The following WDFY4 variants were observed in gnomAD, a reference collection of about 807,000 sequenced individuals.
WDFY4 encodes WD repeat- and FYVE domain-containing protein 4.
Under a neutral mutation model 351.9 loss-of-function variants are expected in WDFY4, and 169 were observed. That is an observed-to-expected ratio of 0.48 (90% CI 0.42 to 0.55). The LOEUF (loss-of-function observed/expected upper bound fraction) is 0.55. WDFY4 is among the 20% of genes least tolerant of loss of function. WDFY4 has a pLI of 0.00. For missense variants in WDFY4, 3,803 were observed against 3,935.6 expected (o/e 0.97, Z 0.90); for synonymous variants, 1,622 against 1,574.6 (o/e 1.03, Z -0.71).
intron 39 of WDFY4, among the ~76,000 whole-genome samples, chr10:48,863,890 AAGG>A (rs1589770856): frequency 6.6e-6 from 1 of 152,108 alleles, no homozygotes; most frequent in African/African-American, 2.4e-5. Flanking sequence ...AGGTGGTGGG[AAGG>A]AGAAGTGTTG....
At chr10:48,857,866 C>T (rs1406556730) in intron 39 of WDFY4, among the ~76,000 whole-genome samples, 1 of 151,914 alleles carries the variant, frequency 6.6e-6, no homozygotes, top group Non-Finnish European at 1.5e-5. Flanking sequence ...AGTCTCGGCT[C>T]ACTGCAACCT....
chr10:48,717,009 C>G (rs1008764709), intron 2 of WDFY4, among the ~76,000 whole-genome samples: 4 of 152,172 alleles, frequency 2.6e-5, no homozygotes, highest in Non-Finnish European at 4.4e-5. Flanking sequence ...GGTATGTGCA[C>G]GCATGTGTGA....
chr10:48,837,988 C>T (rs778705428), intron 39 of WDFY4, among the ~76,000 whole-genome samples: 2 of 152,178 alleles, frequency 1.3e-5, no homozygotes, highest in Non-Finnish European at 2.9e-5. Flanking sequence ...CCCTGTGTTC[C>T]CCACAATTCC....
intron 39 of WDFY4, among the ~76,000 whole-genome samples, chr10:48,837,119 A>G (rs1295065955): frequency 6.6e-6 from 1 of 152,048 alleles, no homozygotes; most frequent in Non-Finnish European, 1.5e-5. Context: ...CTAAAATGCA[A>G]TGTGTGTCAT....
intron 47 of WDFY4, among the ~76,000 whole-genome samples, chr10:48,907,082 G>C (rs1837653114): frequency 6.6e-6 from 1 of 152,098 alleles, no homozygotes; most frequent in Non-Finnish European, 1.5e-5. Context: ...CTAATTCTCT[G>C]TATCAGTTCT....
chr10:48,887,961 TAATAAG>T (rs911317248), intron 43 of WDFY4, among the ~76,000 whole-genome samples: 16 of 152,230 alleles, frequency 1.1e-4, no homozygotes, highest in African/African-American at 3.9e-4. Flanking sequence ...CTGCAACTAT[TAATAAG>T]AATTAGACAG....
intron 39 of WDFY4, among the ~76,000 whole-genome samples, chr10:48,864,613 A>C (rs2069474672): frequency 6.6e-6 from 1 of 152,140 alleles, no homozygotes; most frequent in Non-Finnish European, 1.5e-5. Flanking sequence ...CAATTTTTGC[A>C]AAAAAGAGTG....
At chr10:48,811,390 T>C (rs10745283) in intron 29 of WDFY4, 149 bp from the exon 30 acceptor site, 655,105 of 673,234 alleles carry the variant, frequency 0.97, 318,876 homozygotes, top group East Asian at 1. Context: ...TGAGTGCCTT[T>C]TTGCTCCCAT....
chr10:48,877,646 A>G (rs1172114777), intron 43 of WDFY4, among the ~76,000 whole-genome samples: 1 of 152,174 alleles, frequency 6.6e-6, no homozygotes, highest in Non-Finnish European at 1.5e-5. Context: ...CACTGTCCCT[A>G]TGCCTCGGCC....
At chr10:48,812,792 A>G (rs963906943) in intron 30 of WDFY4, among the ~76,000 whole-genome samples, 1 of 152,118 alleles carries the variant, frequency 6.6e-6, no homozygotes, top group Non-Finnish European at 1.5e-5. Context: ...TGCCTGATGT[A>G]TCTTTCCAAC....
chr10:48,803,462 T>A (rs980737426), intron 25 of WDFY4, 103 bp downstream of exon 25: 7 of 1,148,960 alleles, frequency 6.1e-6, no homozygotes, highest in Non-Finnish European at 7.5e-6. Context: ...CCCAGAACAC[T>A]GGGTCCCCAA....
chr10:48,796,101 A>G (rs1163577082), intron 23 of WDFY4, among the ~76,000 whole-genome samples, 197 bp from the exon 24 acceptor site: 1 of 152,214 alleles, frequency 6.6e-6, no homozygotes, highest in Non-Finnish European at 1.5e-5. Context: ...GAAAAGTAAG[A>G]GTCCCAGTGA....
rs1296376886 is a variant in WDFY4 at position 48,875,122 on chromosome 10, A to G, written c.6982A>G (p.Thr2328Ala). 2 of 1,491,402 alleles carry G rather than the reference A, an allele frequency of 1.3e-6. No individual in the cohort carries two copies. The highest frequency in any genetic ancestry group is 1.8e-6 in the Non-Finnish European group (2 of 1,118,284). The allele number at this position is 1,491,402 out of a possible 1,614,324, so 92.4% of individuals were successfully genotyped here. A position where few individuals can be genotyped will look rare whatever the true frequency, so the allele number is the denominator to read the frequency against. Residue 2328 changes from threonine (T) to alanine (A), a missense_variant, in exon 42 of 62, where the codon ACA becomes GCA. Thr to Ala is a moderately conservative substitution (Grantham distance 58). This residue lies in a region of WDFY4 where 3,054 missense variants were observed against 3,148.6 expected (regional missense o/e 0.97). Coordinates refer to ENST00000325239, the MANE Select transcript of WDFY4 (RefSeq NM_001394531.1). The part of the protein sequence containing the change: ...SQDKNDHISQ[T>A]NAENQDELTL... The stretch of plus-strand genomic sequence containing the variant: ...AGACAAAAATGATCATATTTCTCAA[A>G]CAAATGCTGAAAACCAAGGTATTCA...
At chr10:48,864,769 T>C (rs1040580696) in intron 39 of WDFY4, among the ~76,000 whole-genome samples, 5 of 152,222 alleles carry the variant, frequency 3.3e-5, no homozygotes, top group Non-Finnish European at 7.3e-5. Flanking sequence ...GGTTTCAGTG[T>C]ACAAGTTTTT....
chr10:48,966,838 C>T, intron 55 of WDFY4, 165 bp downstream of exon 55: 1 of 980,728 alleles, frequency 1.0e-6, no homozygotes, highest in Non-Finnish European at 1.4e-6. Flanking sequence ...GGTGTCATCT[C>T]TGGGAAGTGT....
At chr10:48,703,984 C>T (rs1050399550) in intron 1 of WDFY4, among the ~76,000 whole-genome samples, 1 of 152,138 alleles carries the variant, frequency 6.6e-6, no homozygotes, top group Admixed American at 6.5e-5. Context: ...CACAGGGAAT[C>T]CCTCCCTCTT....
At chr10:48,779,070 C>T (rs1342487597) in intron 18 of WDFY4, among the ~76,000 whole-genome samples, 1 of 152,210 alleles carries the variant, frequency 6.6e-6, no homozygotes, top group Non-Finnish European at 1.5e-5. Flanking sequence ...GCCCTTGGCA[C>T]AGCTTCAGAG....
rs139089128 is a variant in WDFY4 at position 48,905,877 on chromosome 10, A to T, written c.7586+4014A>T. On this transcript the variant is annotated intron_variant, in intron 47 of 61. Transcript: ENST00000325239. Reference sequence around the variant, plus strand: ...AGAATCACCTGATGTGTGTTTGGGCATGTTAACAGAAGAATTGATTAAAAG... The same window carrying T: ...AGAATCACCTGATGTGTGTTTGGGCTTGTTAACAGAAGAATTGATTAAAAG... Among the ~76,000 whole-genome samples, 978 of 152,348 alleles carry T rather than the reference A, an allele frequency of 6.4e-3. 4 individuals are homozygous for T. The highest frequency in any genetic ancestry group is 9.5e-3 in the Non-Finnish European group (649 of 68,032).
At chr10:48,858,477 T>C (rs897432566) in intron 39 of WDFY4, among the ~76,000 whole-genome samples, 8 of 152,228 alleles carry the variant, frequency 5.3e-5, no homozygotes, top group African/African-American at 1.7e-4. Flanking sequence ...ATCTGTTGAA[T>C]AGCTTTTGCA....
Sources: gnomAD v4.1 joint callset for allele counts (sites outside exome capture counted in the v4.1 genomes callset) on GRCh38, gnomAD v4.1.1 for gene constraint, gnomAD v4.1.1 regional missense constraint, MANE v1.5 for transcripts, NCBI Gene and HGNC (gene_info 2026-07-23, HGNC 2026-07-21) for gene names.